Variants in LMO7 observed in about 807,000 individuals in gnomAD.
LMO7 encodes LIM domain 7, also known as LIM domain only protein 7.
LMO7 carries 120 observed loss-of-function variants against 206.5 expected under a neutral mutation model. That is an observed-to-expected ratio of 0.58 (90% CI 0.50 to 0.68). LMO7 has a LOEUF of 0.68. Among genes scored for constraint, LMO7 ranks in the 30% least tolerant of loss-of-function variants. LMO7 has a pLI of 0.00. For synonymous variants in LMO7, 706 were observed against 681.5 expected (o/e 1.04, Z -0.56); for missense variants, 1,959 against 1,957.9 (o/e 1.00, Z -0.01).
chr13:75,773,525 C>A (rs2050008567), intron 4 of LMO7, among the ~76,000 whole-genome samples: 1 of 152,024 alleles, frequency 6.6e-6, no homozygotes, highest in Non-Finnish European at 1.5e-5. Context: ...GATAGGGAAG[C>A]CAACTGCTGA....
At chr13:75,716,939 C>T (rs914074580) in intron 2 of LMO7, among the ~76,000 whole-genome samples, 2 of 146,260 alleles carry the variant, frequency 1.4e-5, no homozygotes, top group African/African-American at 2.6e-5. Context: ...ATTTGCTTGA[C>T]GATAGTCTGA....
In LMO7 at chr13:75,858,945, ATATATT is replaced by A. The variant is rs764850550; in HGVS notation, c.*1004_*1009del. On this transcript the variant is annotated 3_prime_UTR_variant, in exon 31 of 31. Coordinates refer to ENST00000377534, the MANE Select transcript of LMO7 (RefSeq NM_001306080.2). ...TGATAAAGTTATGTTTTTGGATACA[ATATATT>A]TGTATGGTGAGAGTGATGAATTGTT... 1.3e-5 allele frequency: 2 copies of A among 152,220 alleles called. No homozygotes were observed. The highest frequency in any genetic ancestry group is 2.9e-5 in the Non-Finnish European group (2 of 68,038). The allele number at this position is 152,220 out of a possible 1,614,324, so 9.4% of individuals were successfully genotyped here.
intron 2 of LMO7, among the ~76,000 whole-genome samples, chr13:75,726,236 G>A (rs1204234798): frequency 5.3e-5 from 8 of 151,834 alleles, no homozygotes; most frequent in African/African-American, 1.9e-4. Context: ...ACGCAACCTG[G>A]CACAGTGTCA....
At chr13:75,770,381 C>T (rs2049474224) in intron 4 of LMO7, among the ~76,000 whole-genome samples, 1 of 151,960 alleles carries the variant, frequency 6.6e-6, no homozygotes, top group Non-Finnish European at 1.5e-5. Flanking sequence ...TCTAGCCTTG[C>T]TATTGAGTCC....
chr13:75,720,029 C>T (rs949270358), intron 2 of LMO7, among the ~76,000 whole-genome samples: 5 of 152,096 alleles, frequency 3.3e-5, no homozygotes, highest in Admixed American at 2.6e-4. Flanking sequence ...GAATTTTGAC[C>T]ATTCTAATAA....
chr13:75,832,418 C>T (rs868299285), intron 15 of LMO7, among the ~76,000 whole-genome samples: 1 of 152,142 alleles, frequency 6.6e-6, no homozygotes, highest in African/African-American at 2.4e-5. Flanking sequence ...CTCTTGGTAT[C>T]TTAAGGAGTA....
intron 1 of LMO7, among the ~76,000 whole-genome samples, chr13:75,693,580 A>G (rs750200479): frequency 8.5e-5 from 13 of 152,168 alleles, no homozygotes; most frequent in Admixed American, 2.0e-4. Context: ...GTTCCAGGAC[A>G]TAGGGTAATT....
rs1374709578 is a variant in LMO7, at chr13:75,807,946, G to C, written c.1663G>C (p.Ala555Pro). 1 of 1,613,784 alleles carries C rather than the reference G, an allele frequency of 6.2e-7. No individual in the cohort carries two copies. Among genetic ancestry groups the C allele is most frequent in the East Asian group, 2.2e-5 (1 of 44,892 alleles). The stretch of plus-strand genomic sequence containing the variant: ...CTGGACTCTTCCTCCAGAAATTCAA[G>C]CAAAATTTCTCTGTGTACTTGAAAG... ...EPWTLPPEIQ[A>P]KFLCVLERTC... Residue 555 changes from alanine (A) to proline (P), a missense_variant, in exon 10 of 31, where the codon GCA becomes CCA. By Grantham distance (27) the Ala-to-Pro change is conservative (BLOSUM62 -1). Coordinates refer to ENST00000377534, the MANE Select transcript of LMO7 (RefSeq NM_001306080.2).
chr13:75,711,824 T>A lies in LMO7; in HGVS notation c.70-1358T>A, dbSNP rs192996326. Among the ~76,000 whole-genome samples, 752 of 152,330 alleles carry A rather than the reference T, an allele frequency of 4.9e-3. 2 individuals carry two copies. Among genetic ancestry groups the A allele is most frequent in the African/African-American group, 0.016 (661 of 41,564 alleles). ...GCTGCCTGCCTTCAAAACGTGTTTT[T>A]TCTTTCGGTAAATTCCTACCCAGCA... On this transcript the variant is annotated intron_variant, in intron 1 of 30. Transcript: ENST00000377534.
intron 1 of LMO7, among the ~76,000 whole-genome samples, chr13:75,656,932 C>T (rs1329397113): frequency 6.6e-6 from 1 of 152,200 alleles, no homozygotes; most frequent in Non-Finnish European, 1.5e-5. Flanking sequence ...GAAACCCTAG[C>T]CCCCGGTACC....
intron 3 of LMO7, among the ~76,000 whole-genome samples, chr13:75,747,212 T>G (rs988201468): frequency 3.3e-5 from 5 of 152,206 alleles, no homozygotes; most frequent in Admixed American, 2.6e-4. Context: ...AACTTAATCA[T>G]GCATTTTAAA....
At position 75,692,493 on chromosome 13, in the gene LMO7, C is replaced by T. The variant is rs1014919433; in HGVS notation, c.70-20689C>T. 7.2e-5 allele frequency among the ~76,000 whole-genome samples: 11 copies of T among 151,844 alleles called. No homozygotes were observed. In the East Asian group the frequency reaches 9.7e-4, roughly 13 times the overall value. On this transcript the variant is annotated intron_variant, in intron 1 of 30. Transcript: ENST00000377534. Reference sequence around the variant, plus strand: ...CTTGAACTTCTGGACTCAAGGGATCCTCCCATCTCAGCCTCCCGAGTATCT... The same window carrying T: ...CTTGAACTTCTGGACTCAAGGGATCTTCCCATCTCAGCCTCCCGAGTATCT...
intron 3 of LMO7, among the ~76,000 whole-genome samples, chr13:75,747,529 A>G (rs1406044035): frequency 6.6e-6 from 1 of 152,186 alleles, no homozygotes; most frequent in African/African-American, 2.4e-5. Context: ...TTTTCTCACT[A>G]AACTCTCACA....
chr13:75,738,393 G>T (rs1159477351), intron 3 of LMO7, among the ~76,000 whole-genome samples: 1 of 152,228 alleles, frequency 6.6e-6, no homozygotes, highest in Non-Finnish European at 1.5e-5. Flanking sequence ...AATACAGAGA[G>T]AGATGTTAAG....
intron 9 of LMO7, 70 bp downstream of exon 9, chr13:75,805,830 G>GT (rs1238340226): frequency 9.0e-6 from 13 of 1,446,114 alleles, no homozygotes; most frequent in East Asian, 4.6e-5. Flanking sequence ...CTATGTGCAT[G>GT]TTTTTTATAA....
At chr13:75,624,646 G>C (rs4885332) in intron 2 of LMO7, among the ~76,000 whole-genome samples, 1 of 151,952 alleles carries the variant, frequency 6.6e-6, no homozygotes, top group African/African-American at 2.4e-5. Context: ...CACAATCATG[G>C]TGGAAGGTGA....
intron 4 of LMO7, among the ~76,000 whole-genome samples, chr13:75,787,397 C>T (rs1157150608): frequency 2.0e-5 from 3 of 152,132 alleles, no homozygotes; most frequent in African/African-American, 2.4e-5. Flanking sequence ...GAATGTGTGC[C>T]GGTGTCTTTG....
In LMO7 at chr13:75,807,917, A is replaced by T; in HGVS notation, c.1634A>T (p.Glu545Val). 6.2e-7 allele frequency: 1 copy of T among 1,613,954 alleles called. No homozygotes were observed. Among genetic ancestry groups the T allele is most frequent in the Non-Finnish European group, 8.5e-7 (1 of 1,179,870 alleles). The change falls in exon 10 of 31, where the codon GAA becomes GTA. Residue 545 changes from glutamate to valine, a missense_variant. Coordinates refer to ENST00000377534, the MANE Select transcript of LMO7 (RefSeq NM_001306080.2). The part of the protein sequence containing the change: ...PDRYHPVPFP[E>V]PWTLPPEIQA... The stretch of plus-strand genomic sequence containing the variant: ...AGATACCACCCAGTCCCTTTTCCCG[A>T]ACCCTGGACTCTTCCTCCAGAAATT...
chr13:75,823,460 G>T, intron 14 of LMO7, 105 bp from the exon 15 acceptor site: 1 of 830,114 alleles, frequency 1.2e-6, no homozygotes, highest in Non-Finnish European at 1.8e-6. Context: ...GTTACTGTGG[G>T]AGGTATGTTA....
Sources: gnomAD v4.1 joint callset for allele counts (sites outside exome capture counted in the v4.1 genomes callset) on GRCh38, gnomAD v4.1.1 for gene constraint, MANE v1.5 for transcripts, NCBI Gene and HGNC (gene_info 2026-07-23, HGNC 2026-07-21) for gene names.